Variants in CAMK4 observed in about 807,000 individuals in gnomAD.
The protein encoded by CAMK4 is calcium/calmodulin-dependent protein kinase type IV.
CAMK4 carries 22 observed loss-of-function variants against 44.9 expected under a neutral mutation model. The observed-to-expected ratio is 0.49, with a 90% confidence interval of 0.35 to 0.70. The LOEUF is 0.70. Among genes scored for constraint, CAMK4 ranks in the 30% least tolerant of loss-of-function variants. CAMK4 has a pLI of 0.01. For missense variants in CAMK4, 498 were observed against 586.8 expected (o/e 0.85, Z 1.56); for synonymous variants, 218 against 215.4 (o/e 1.01, Z -0.11).
At chr5:111,258,335 G>C (rs1348278323) in intron 1 of CAMK4, among the ~76,000 whole-genome samples, 1 of 152,102 alleles carries the variant, frequency 6.6e-6, no homozygotes, top group East Asian at 1.9e-4. Context: ...ACCGCATTCA[G>C]GCTGACTAAC....
At chr5:111,318,327 A>G (rs535348425) in intron 1 of CAMK4, among the ~76,000 whole-genome samples, 91 of 152,104 alleles carry the variant, frequency 6.0e-4, no homozygotes, top group Middle Eastern at 3.2e-3. Flanking sequence ...CTGTCCCATA[A>G]TTTGTCAGGT....
chr5:111,409,559 G>C (rs1036845670), intron 5 of CAMK4, among the ~76,000 whole-genome samples: 1 of 152,206 alleles, frequency 6.6e-6, no homozygotes, highest in Admixed American at 6.5e-5. Context: ...CATTGTCTTG[G>C]TGATTAACAT....
chr5:111,327,644 A>C (rs931785284), intron 1 of CAMK4, among the ~76,000 whole-genome samples: 1 of 151,440 alleles, frequency 6.6e-6, no homozygotes, highest in African/African-American at 2.4e-5. Flanking sequence ...AAATGTTCCT[A>C]TTTCTCCACA....
intron 1 of CAMK4, among the ~76,000 whole-genome samples, chr5:111,226,521 G>A (rs62376848): frequency 0.26 from 39,605 of 152,104 alleles, 5,366 homozygotes; most frequent in African/African-American, 0.32. Flanking sequence ...GCTAACAAAC[G>A]TTGTAGCTTA....
chr5:111,318,051 G>A (rs551045271), intron 1 of CAMK4, among the ~76,000 whole-genome samples: 5 of 151,902 alleles, frequency 3.3e-5, no homozygotes, highest in African/African-American at 1.2e-4. Context: ...GACACAAGTT[G>A]CTTAATCCCT....
chr5:111,279,279 C>T (rs747788561), intron 1 of CAMK4, among the ~76,000 whole-genome samples: 6 of 152,182 alleles, frequency 3.9e-5, no homozygotes, highest in Non-Finnish European at 7.4e-5. Context: ...CCTGGGTTTC[C>T]GGCCCTGTGA....
intron 2 of CAMK4, among the ~76,000 whole-genome samples, chr5:111,353,342 G>T (rs1407281390): frequency 6.6e-6 from 1 of 151,724 alleles, no homozygotes; most frequent in Admixed American, 6.6e-5. Flanking sequence ...TCTGGAAATG[G>T]ATTTGTCTGA....
chr5:111,491,917 A>G lies in CAMK4; in HGVS notation c.*7451A>G, dbSNP rs573757131. Reference sequence around the variant, plus strand: ...TTATATGACAATGACTTTCTCAACAATAGCTCAGGGAATACGCAAACAGCC... The same window carrying G: ...TTATATGACAATGACTTTCTCAACAGTAGCTCAGGGAATACGCAAACAGCC... On this transcript the variant is annotated 3_prime_UTR_variant, in exon 11 of 11. Coordinates refer to ENST00000282356, the MANE Select transcript of CAMK4 (RefSeq NM_001744.6). 1.3e-5 allele frequency: 2 copies of G among 152,320 alleles called. No individual in the cohort carries two copies. The highest frequency in any genetic ancestry group is 2.1e-4 in the South Asian group (1 of 4,828). The allele number at this position is 152,320 out of a possible 1,614,324, so 9.4% of individuals were successfully genotyped here.
chr5:111,338,437 T>A (rs541509553), intron 1 of CAMK4, among the ~76,000 whole-genome samples: 1 of 151,534 alleles, frequency 6.6e-6, no homozygotes, highest in South Asian at 2.1e-4. Flanking sequence ...GATACTTTAC[T>A]TTATTTTGCT....
chr5:111,235,685 T>C (rs962808073), intron 1 of CAMK4, among the ~76,000 whole-genome samples: 5 of 152,232 alleles, frequency 3.3e-5, no homozygotes, highest in Admixed American at 3.3e-4. Flanking sequence ...TGCAGTTCTT[T>C]AAAATATTGA....
chr5:111,483,431 G>A (rs1364051245), intron 10 of CAMK4, among the ~76,000 whole-genome samples: 1 of 152,050 alleles, frequency 6.6e-6, no homozygotes, highest in Non-Finnish European at 1.5e-5. Context: ...ATAGAGATTA[G>A]GAGCTTTTCT....
At chr5:111,344,183 G>C (rs182744676) in intron 2 of CAMK4, 81 bp downstream of exon 2, 1 of 813,666 alleles carries the variant, frequency 1.2e-6, no homozygotes, top group East Asian at 2.5e-5. Flanking sequence ...AAGAACAAAG[G>C]GGCCAGAGAG....
chr5:111,241,849 A>G (rs1464282555), intron 1 of CAMK4, among the ~76,000 whole-genome samples: 1 of 152,242 alleles, frequency 6.6e-6, no homozygotes, highest in Non-Finnish European at 1.5e-5. Flanking sequence ...TCTTGCTGTT[A>G]CAGAGCGGAG....
At chr5:111,259,237 A>G (rs1413230510) in intron 1 of CAMK4, among the ~76,000 whole-genome samples, 1 of 152,250 alleles carries the variant, frequency 6.6e-6, no homozygotes, top group Non-Finnish European at 1.5e-5. Context: ...TCTCACTCCC[A>G]TACCTTGGCT....
In CAMK4 at chr5:111,351,141, T is replaced by C. The variant is rs1018184429; in HGVS notation, c.240+7039T>C. 3.9e-5 allele frequency among the ~76,000 whole-genome samples: 6 copies of C among 152,176 alleles called. No individual in the cohort carries two copies. In the South Asian group the frequency reaches 1.2e-3, roughly 31 times the overall value. On this transcript the variant is annotated intron_variant, in intron 2 of 10. Transcript: ENST00000282356. Reference sequence around the variant, plus strand: ...TATTAGGCATTCTTCAAATGTGGGCTCTGTTCTCTGTTCTAGCCTTCTTTT... The same window carrying C: ...TATTAGGCATTCTTCAAATGTGGGCCCTGTTCTCTGTTCTAGCCTTCTTTT...
In CAMK4 at chr5:111,486,031, T is replaced by G. The variant is rs1755604773; in HGVS notation, c.*1565T>G. 6.6e-6 allele frequency: 1 copy of G among 152,190 alleles called. No individual in the cohort carries two copies. The highest frequency in any genetic ancestry group is 6.5e-5 in the Admixed American group (1 of 15,282). The allele number at this position is 152,190 out of a possible 1,614,324, so 9.4% of individuals were successfully genotyped here. A position where few individuals can be genotyped will look rare whatever the true frequency, so the allele number is the denominator to read the frequency against. On this transcript the variant is annotated 3_prime_UTR_variant, in exon 11 of 11. Coordinates refer to ENST00000282356, the MANE Select transcript of CAMK4 (RefSeq NM_001744.6). Reference sequence around the variant, plus strand: ...AATGACTATCACATAAAAATCCTTGTTAAAAAAGAGATCTTAAATTATGTT... The same window carrying G: ...AATGACTATCACATAAAAATCCTTGGTAAAAAAGAGATCTTAAATTATGTT...
intron 5 of CAMK4, among the ~76,000 whole-genome samples, chr5:111,395,009 G>T (rs748487637): frequency 6.6e-6 from 1 of 151,984 alleles, no homozygotes; most frequent in Non-Finnish European, 1.5e-5. Flanking sequence ...AGGAGTTCCA[G>T]ACCAGCCTTG....
rs1472449371 is a variant in CAMK4, at chr5:111,488,480, G to T, written c.*4014G>T. The T allele has an allele frequency of 6.6e-6, 1 of 152,162 alleles. No individual in the cohort carries two copies. Among genetic ancestry groups the T allele is most frequent in the Non-Finnish European group, 1.5e-5 (1 of 68,014 alleles). The allele number at this position is 152,162 out of a possible 1,614,324, so 9.4% of individuals were successfully genotyped here. A position where few individuals can be genotyped will look rare whatever the true frequency, so the allele number is the denominator to read the frequency against. The stretch of plus-strand genomic sequence containing the variant: ...TTTTTACTGTGACTTCAATTTCATA[G>T]TATTTTAAACATATTTTGTAATTCA... On this transcript the variant is annotated 3_prime_UTR_variant, in exon 11 of 11. Coordinates refer to ENST00000282356, the MANE Select transcript of CAMK4 (RefSeq NM_001744.6).
At chr5:111,468,522 A>T (rs945282313) in intron 7 of CAMK4, among the ~76,000 whole-genome samples, 1 of 152,202 alleles carries the variant, frequency 6.6e-6, no homozygotes, top group African/African-American at 2.4e-5. Flanking sequence ...ACAAATTATT[A>T]GAATTACCTG....
Sources: gnomAD v4.1 joint callset for allele counts (sites outside exome capture counted in the v4.1 genomes callset) on GRCh38, gnomAD v4.1.1 for gene constraint, MANE v1.5 for transcripts, NCBI Gene and HGNC (gene_info 2026-07-23, HGNC 2026-07-21) for gene names.